The following ADIPOR2 variants were observed in gnomAD, a reference collection of about 807,000 sequenced individuals.
ADIPOR2 encodes the protein adiponectin receptor 2.
Under a neutral mutation model 40.9 loss-of-function variants are expected in ADIPOR2, and 18 were observed. The ratio of observed to expected loss-of-function variants is 0.44; its 90% CI spans 0.30 to 0.65. ADIPOR2 has a LOEUF of 0.65. ADIPOR2 is among the 30% of genes least tolerant of loss of function. The pLI is 0.09. For missense variants in ADIPOR2, 283 were observed against 479.2 expected (o/e 0.59, Z 3.82); for synonymous variants, 165 against 166.4 (o/e 0.99, Z 0.06).
At chr12:1,727,386 A>G (rs145783635) in intron 1 of ADIPOR2, among the ~76,000 whole-genome samples, 225 of 152,318 alleles carry the variant, frequency 1.5e-3, no homozygotes, top group African/African-American at 5.1e-3. Context: ...TTTAAAGAGA[A>G]ATGTAGTAGG....
chr12:1,771,369 C>G (rs562283979), intron 2 of ADIPOR2, among the ~76,000 whole-genome samples: 58 of 149,392 alleles, frequency 3.9e-4, no homozygotes, highest in African/African-American at 1.4e-3. Flanking sequence ...CCTGGGGTCT[C>G]AAAGAAAAAC....
intron 1 of ADIPOR2, among the ~76,000 whole-genome samples, chr12:1,723,463 GAAAA>G (rs58233234): frequency 0.13 from 13,535 of 106,108 alleles, 819 homozygotes; most frequent in Middle Eastern, 0.16. Flanking sequence ...CGTCTCTACT[GAAAA>G]AAAAAAAAAA....
chr12:1,780,681 TA>T, intron 5 of ADIPOR2, 44 bp downstream of exon 5: 1 of 1,480,568 alleles, frequency 6.8e-7, no homozygotes, highest in Non-Finnish European at 9.0e-7. Context: ...GATTTAGAGG[TA>T]GTGCGTTAGG....
intron 2 of ADIPOR2, among the ~76,000 whole-genome samples, chr12:1,761,226 TG>T (rs1482524285): frequency 3.9e-5 from 6 of 152,154 alleles, no homozygotes; most frequent in Non-Finnish European, 7.4e-5. Context: ...TTCCTGTGGA[TG>T]GGGGGAAACT....
intron 1 of ADIPOR2, among the ~76,000 whole-genome samples, chr12:1,737,930 C>G (rs2094734386): frequency 6.6e-6 from 1 of 152,148 alleles, no homozygotes; most frequent in African/African-American, 2.4e-5. Flanking sequence ...TTACTTATTA[C>G]AGTTGCCATG....
At position 1,780,879 on chromosome 12, in the gene ADIPOR2, T is replaced by C; in HGVS notation, c.651-10T>C. The stretch of plus-strand genomic sequence containing the variant: ...TACTGCATTAAATGGATTTTTTTTT[T>C]CTGTCATAGACTGGATTACTCTGGT... On this transcript the variant is annotated splice_polypyrimidine_tract_variant and intron_variant, in intron 5 of 7. Coordinates refer to ENST00000357103, the MANE Select transcript of ADIPOR2 (RefSeq NM_024551.3). 6.4e-7 allele frequency: 1 copy of C among 1,565,626 alleles called. No homozygotes were observed. The highest frequency in any genetic ancestry group is 8.6e-7 in the Non-Finnish European group (1 of 1,160,626).
intron 1 of ADIPOR2, among the ~76,000 whole-genome samples, chr12:1,715,630 G>A (rs1246890954): frequency 6.6e-6 from 1 of 152,198 alleles, no homozygotes; most frequent in Non-Finnish European, 1.5e-5. Context: ...TATCCAGCAG[G>A]AAGTAGCTAG....
At chr12:1,716,578 A>G (rs2094688040) in intron 1 of ADIPOR2, among the ~76,000 whole-genome samples, 2 of 152,240 alleles carry the variant, frequency 1.3e-5, no homozygotes, top group African/African-American at 4.8e-5. Flanking sequence ...AAGCATATGA[A>G]ATTTCAAGTT....
At chr12:1,757,372 A>C (rs1273238906) in intron 2 of ADIPOR2, 1 of 712,008 alleles carries the variant, frequency 1.4e-6, no homozygotes, top group Non-Finnish European at 2.6e-6. Context: ...TGAGTGGCAA[A>C]GCTGTTTCCA....
At chr12:1,729,840 A>G (rs1319128582) in intron 1 of ADIPOR2, among the ~76,000 whole-genome samples, 1 of 152,110 alleles carries the variant, frequency 6.6e-6, no homozygotes, top group Non-Finnish European at 1.5e-5. Context: ...CTGGGCCGTA[A>G]GAAAGCAGGG....
At chr12:1,728,581 G>T (rs1337846472) in intron 1 of ADIPOR2, among the ~76,000 whole-genome samples, 1 of 151,672 alleles carries the variant, frequency 6.6e-6, no homozygotes. Context: ...AAAATTAGCC[G>T]GGCGTGGTGG....
chr12:1,691,569 C>T (rs573559706), intron 1 of ADIPOR2, among the ~76,000 whole-genome samples: 1 of 152,352 alleles, frequency 6.6e-6, no homozygotes, highest in Admixed American at 6.5e-5. Flanking sequence ...GCCCGCCCCT[C>T]TTCGTCTCTT....
At position 1,787,902 on chromosome 12, in the gene ADIPOR2, T is replaced by A. The variant is rs1417043643; in HGVS notation, c.*1830T>A. ...TGGATAAGGTCACTGTCCTAGGTGC[T>A]AGGTGGACCGAGCAAAAGACTCAGT... On this transcript the variant is annotated 3_prime_UTR_variant, in exon 8 of 8. Coordinates refer to ENST00000357103, the MANE Select transcript of ADIPOR2 (RefSeq NM_024551.3). 1 of 152,750 alleles carries A rather than the reference T, an allele frequency of 6.5e-6. No homozygotes were observed. The highest frequency in any genetic ancestry group is 1.5e-5 in the Non-Finnish European group (1 of 68,096). 9.5% of individuals were successfully genotyped at this position (152,750 alleles called of 1,614,324 possible).
chr12:1,768,037 G>A (rs1227455570), intron 2 of ADIPOR2, among the ~76,000 whole-genome samples: 1 of 152,120 alleles, frequency 6.6e-6, no homozygotes, highest in African/African-American at 2.4e-5. Flanking sequence ...GTTGATATAG[G>A]GGCCTTAGAT....
At chr12:1,773,785 CTT>C (rs949830428) in intron 3 of ADIPOR2, among the ~76,000 whole-genome samples, 2 of 152,060 alleles carry the variant, frequency 1.3e-5, no homozygotes, top group Non-Finnish European at 2.9e-5. Flanking sequence ...GAAACCAAAA[CTT>C]TTTATGTACA....
intron 7 of ADIPOR2, among the ~76,000 whole-genome samples, chr12:1,785,366 G>A (rs1160336494): frequency 6.6e-6 from 1 of 152,224 alleles, no homozygotes; most frequent in East Asian, 1.9e-4. Flanking sequence ...GACACATTAT[G>A]TAGTTCATGA....
In ADIPOR2 at chr12:1,787,651, C is replaced by A. The variant is rs952678931; in HGVS notation, c.*1579C>A. On this transcript the variant is annotated 3_prime_UTR_variant, in exon 8 of 8. Coordinates refer to ENST00000357103, the MANE Select transcript of ADIPOR2 (RefSeq NM_024551.3). ...CTGTCATCAAAGACTTGGGATGACT[C>A]CATTATATCCTGGGGTTGTGGGTAT... 1 of 152,162 alleles carries A rather than the reference C, an allele frequency of 6.6e-6. No individual in the cohort carries two copies. The highest frequency in any genetic ancestry group is 2.4e-5 in the African/African-American group (1 of 41,426). 9.4% of individuals were successfully genotyped at this position (152,162 alleles called of 1,614,324 possible). A position where few individuals can be genotyped will look rare whatever the true frequency, so the allele number is the denominator to read the frequency against.
At chr12:1,762,030 T>C (rs1235533739) in intron 2 of ADIPOR2, among the ~76,000 whole-genome samples, 1 of 152,200 alleles carries the variant, frequency 6.6e-6, no homozygotes, top group Non-Finnish European at 1.5e-5. Context: ...CTTCTCCATG[T>C]TCATTGAGCT....
chr12:1,762,688 A>C (rs371629030), intron 2 of ADIPOR2, among the ~76,000 whole-genome samples: 7 of 152,358 alleles, frequency 4.6e-5, no homozygotes, highest in South Asian at 4.1e-4. Flanking sequence ...TGGATGAAGT[A>C]ATTTTTTGAG....
Sources: gnomAD v4.1 joint callset for allele counts (sites outside exome capture counted in the v4.1 genomes callset) on GRCh38, gnomAD v4.1.1 for gene constraint, MANE v1.5 for transcripts, NCBI Gene and HGNC (gene_info 2026-07-23, HGNC 2026-07-21) for gene names.